Variants in CADM2 observed in about 807,000 individuals in gnomAD.
The protein encoded by CADM2 is cell adhesion molecule 2, also known as immunoglobulin superfamily member 4D.
A neutral mutation model predicts 49.8 loss-of-function variants in CADM2; 12 were observed. That is an observed-to-expected ratio of 0.24 (90% CI 0.15 to 0.39). The LOEUF (loss-of-function observed/expected upper bound fraction) is 0.39, where lower values mean the gene tolerates loss of function less well. Among genes scored for constraint, CADM2 ranks in the 10% least tolerant of loss-of-function variants. The probability of loss-of-function intolerance (pLI) is 1.00; values close to 1 mark genes in which losing one functional copy is unlikely to be tolerated. For missense variants in CADM2, 378 were observed against 492.3 expected (o/e 0.77, Z 2.20); for synonymous variants, 214 against 175.4 (o/e 1.22, Z -1.74).
chr3:85,069,997 T>A lies in CADM2; in HGVS notation c.61+110329T>A, dbSNP rs149656198. On this transcript the variant is annotated intron_variant, in intron 1 of 9. Transcript: ENST00000383699. ...TAATTTCATACATCCCTGATAACAGTATTCTAATGCAATCACATTCTGTTT... is the reference window on the plus strand; with the variant it reads ...TAATTTCATACATCCCTGATAACAGAATTCTAATGCAATCACATTCTGTTT... Among the ~76,000 whole-genome samples the A allele has an allele frequency of 2.5e-3, 379 of 152,284 alleles. 1 individual carries two copies. The highest frequency in any genetic ancestry group is 6.8e-3 in the Middle Eastern group (2 of 294).
intron 1 of CADM2, among the ~76,000 whole-genome samples, chr3:85,394,028 C>T (rs1337984534): frequency 6.6e-6 from 1 of 152,098 alleles, no homozygotes; most frequent in South Asian, 2.1e-4. Context: ...ATCTCCTGAC[C>T]TCGTGATCCA....
chr3:85,684,585 T>C (rs2066146982), intron 1 of CADM2, among the ~76,000 whole-genome samples: 1 of 152,124 alleles, frequency 6.6e-6, no homozygotes, highest in Non-Finnish European at 1.5e-5. Flanking sequence ...ACTGGGTAAT[T>C]TATATAGAAA....
chr3:85,961,352 G>T, intron 7 of CADM2, 117 bp from the exon 8 acceptor site: 1 of 805,212 alleles, frequency 1.2e-6, no homozygotes, highest in Non-Finnish European at 1.9e-6. Flanking sequence ...TCTTATAGAA[G>T]TTAGCATATG....
chr3:85,416,005 A>G (rs531091454), intron 1 of CADM2, among the ~76,000 whole-genome samples: 2 of 152,286 alleles, frequency 1.3e-5, no homozygotes, highest in South Asian at 2.1e-4. Context: ...AGGAATTAAA[A>G]TAGAACTCCC....
intron 1 of CADM2, among the ~76,000 whole-genome samples, chr3:85,702,381 T>C (rs2066807734): frequency 6.6e-6 from 1 of 152,096 alleles, no homozygotes; most frequent in African/African-American, 2.4e-5. Flanking sequence ...CTCCTCTCTG[T>C]CATTCTTTGT....
chr3:85,924,477 A>G (rs1719562878), intron 6 of CADM2, among the ~76,000 whole-genome samples: 1 of 152,038 alleles, frequency 6.6e-6, no homozygotes, highest in Admixed American at 6.6e-5. Flanking sequence ...CCTGTAGCCC[A>G]GCTACATCGG....
chr3:85,646,217 T>G (rs189320769), intron 1 of CADM2, among the ~76,000 whole-genome samples: 1 of 152,128 alleles, frequency 6.6e-6, no homozygotes, highest in East Asian at 1.9e-4. Flanking sequence ...CTGAACTGTT[T>G]CCTAGATGAT....
chr3:85,499,644 C>T (rs984461534), intron 1 of CADM2, among the ~76,000 whole-genome samples: 10 of 151,692 alleles, frequency 6.6e-5, no homozygotes, highest in African/African-American at 9.7e-5. Context: ...CAGATGAATG[C>T]GTTCCTTTGA....
intron 3 of CADM2, among the ~76,000 whole-genome samples, chr3:85,828,328 G>A (rs1409122467): frequency 6.6e-6 from 1 of 151,878 alleles, no homozygotes; most frequent in African/African-American, 2.4e-5. Context: ...GTAAGCATCT[G>A]TGTTCTAAAC....
At position 85,158,294 on chromosome 3, in the gene CADM2, G is replaced by C. The variant is rs560161290; in HGVS notation, c.61+198626G>C. On this transcript the variant is annotated intron_variant, in intron 1 of 9. Coordinates refer to ENST00000383699, the MANE Select transcript of CADM2 (RefSeq NM_001167675.2). ...GGAAGACAGTGTGGCAATTCCTCAGGGATCTAGAACTAGAAATGCCATTTG... is the reference window on the plus strand; with the variant it reads ...GGAAGACAGTGTGGCAATTCCTCAGCGATCTAGAACTAGAAATGCCATTTG... Among the ~76,000 whole-genome samples the C allele has an allele frequency of 4.6e-5, 7 of 152,232 alleles. No individual in the cohort carries two copies. The South Asian group carries it at 1.5e-3, about 32-fold the overall frequency.
intron 1 of CADM2, among the ~76,000 whole-genome samples, chr3:85,082,427 CTCTTTATGAA>C (rs2037201201): frequency 6.6e-6 from 1 of 152,170 alleles, no homozygotes; most frequent in Non-Finnish European, 1.5e-5. Flanking sequence ...CATAATGCGA[CTCTTTATGAA>C]GGACAAAGTT....
chr3:85,194,528 T>C (rs1049899871), intron 1 of CADM2, among the ~76,000 whole-genome samples: 8 of 152,050 alleles, frequency 5.3e-5, no homozygotes, highest in Admixed American at 1.3e-4. Flanking sequence ...TTATTTCTAA[T>C]GATGGAGATC....
chr3:85,012,629 A>C (rs2034052338), intron 1 of CADM2, among the ~76,000 whole-genome samples: 1 of 151,112 alleles, frequency 6.6e-6, no homozygotes, highest in African/African-American at 2.4e-5. Flanking sequence ...ATAACCATTT[A>C]AACATTTTAT....
At position 85,807,522 on chromosome 3, in the gene CADM2, A is replaced by G. The variant is rs2072521437; in HGVS notation, c.238+5326A>G. On this transcript the variant is annotated intron_variant, in intron 3 of 9. Coordinates refer to ENST00000383699, the MANE Select transcript of CADM2 (RefSeq NM_001167675.2). ...CTCAAAAAAAAAAAAAAAAAAAGACAAAAAGACAGAAGAATATATTATAAT... is the reference window on the plus strand; with the variant it reads ...CTCAAAAAAAAAAAAAAAAAAAGACGAAAAGACAGAAGAATATATTATAAT... Among the ~76,000 whole-genome samples the G allele has an allele frequency of 2.6e-5, 4 of 150,946 alleles. No homozygotes were observed. The South Asian group carries it at 8.4e-4, about 32-fold the overall frequency.
chr3:85,742,417 G>T (rs1270121531), intron 2 of CADM2, among the ~76,000 whole-genome samples: 1 of 152,152 alleles, frequency 6.6e-6, no homozygotes, highest in East Asian at 1.9e-4. Context: ...TGATCTGGTT[G>T]TGTCTGTCTC....
At position 85,886,330 on chromosome 3, in the gene CADM2, A is replaced by G; in HGVS notation, c.529+3A>G. Reference sequence around the variant, plus strand: ...CAAAAATGACAAAGAGATTAAAGGTAAAGAATAGAAAAATGAAAATCAAAA... The same window carrying G: ...CAAAAATGACAAAGAGATTAAAGGTGAAGAATAGAAAAATGAAAATCAAAA... On this transcript the variant is annotated splice_donor_region_variant and intron_variant, in intron 5 of 9. Transcript: ENST00000383699. The G allele has an allele frequency of 6.3e-7, 1 of 1,598,282 alleles. No homozygotes were observed. Among genetic ancestry groups the G allele is most frequent in the African/African-American group, 1.3e-5 (1 of 74,738 alleles).
At chr3:85,536,402 A>T (rs66632973) in intron 1 of CADM2, among the ~76,000 whole-genome samples, 77,573 of 151,222 alleles carry the variant, frequency 0.51, 22,943 homozygotes, top group East Asian at 0.85. Flanking sequence ...TAAAAAAAAA[A>T]TGATGTTTAT....
chr3:85,498,357 G>T (rs2039988494), intron 1 of CADM2, among the ~76,000 whole-genome samples: 1 of 152,112 alleles, frequency 6.6e-6, no homozygotes, highest in South Asian at 2.1e-4. Flanking sequence ...GAGCTATAAT[G>T]CTGTTGGTCC....
At chr3:85,939,096 C>T (rs1721522941) in intron 7 of CADM2, among the ~76,000 whole-genome samples, 2 of 151,892 alleles carry the variant, frequency 1.3e-5, no homozygotes, top group African/African-American at 4.8e-5. Context: ...CCGAACCTGC[C>T]CTTCTTTATG....
Sources: gnomAD v4.1 joint callset for allele counts (sites outside exome capture counted in the v4.1 genomes callset) on GRCh38, gnomAD v4.1.1 for gene constraint, MANE v1.5 for transcripts, NCBI Gene and HGNC (gene_info 2026-07-23, HGNC 2026-07-21) for gene names.